The following CNTNAP2 variants were observed in gnomAD, a reference collection of about 807,000 sequenced individuals.
CNTNAP2 encodes the protein contactin associated protein 2.
Under a neutral mutation model 155.2 loss-of-function variants are expected in CNTNAP2, and 98 were observed. That is an observed-to-expected ratio of 0.63 (90% CI 0.54 to 0.75). CNTNAP2 has a LOEUF of 0.75. Ranked by LOEUF, CNTNAP2 falls within the 30% of genes least tolerant of loss-of-function variation. The pLI is 0.00. For synonymous variants in CNTNAP2, 651 were observed against 631.2 expected, an observed-to-expected ratio of 1.03 and a Z score of -0.47; for missense variants, 1,727 against 1,688.1, an observed-to-expected ratio of 1.02 and a Z score of -0.40.
intron 11 of CNTNAP2, among the ~76,000 whole-genome samples, chr7:147,538,790 G>C (rs1799592179): frequency 6.6e-6 from 1 of 151,948 alleles, no homozygotes; most frequent in Admixed American, 6.6e-5. Flanking sequence ...TTTTTTTCCT[G>C]AGTATTTTAA....
chr7:147,336,917 G>T (rs1289864610), intron 9 of CNTNAP2, among the ~76,000 whole-genome samples: 1 of 152,048 alleles, frequency 6.6e-6, no homozygotes, highest in African/African-American at 2.4e-5. Flanking sequence ...GACATTGGCA[G>T]AATTTTATAA....
In CNTNAP2 at chr7:146,727,778, C is replaced by T. The variant is rs995604932; in HGVS notation, c.98-46493C>T. The stretch of plus-strand genomic sequence containing the variant: ...TGTTAGTAGGAGAAATATCTGAAGA[C>T]GATTTTATTCGCTCTGTAAATATGT... On this transcript the variant is annotated intron_variant, in intron 1 of 23. Coordinates refer to ENST00000361727, the MANE Select transcript of CNTNAP2 (RefSeq NM_014141.6). Among the ~76,000 whole-genome samples the T allele has an allele frequency of 3.9e-5, 6 of 152,014 alleles. 1 individual carries two copies. Among genetic ancestry groups the T allele is most frequent in the East Asian group, 3.9e-4 (2 of 5,184 alleles).
At chr7:146,592,507 A>G (rs111978873) in intron 1 of CNTNAP2, among the ~76,000 whole-genome samples, 8 of 152,332 alleles carry the variant, frequency 5.3e-5, no homozygotes, top group African/African-American at 1.9e-4. Flanking sequence ...CACTGTAGTT[A>G]TAAGCCATGT....
intron 8 of CNTNAP2, among the ~76,000 whole-genome samples, chr7:147,192,426 T>A (rs1445233716): frequency 6.6e-6 from 1 of 152,212 alleles, no homozygotes; most frequent in Non-Finnish European, 1.5e-5. Context: ...CCTACTTCTA[T>A]ATTCTGATCC....
At position 148,025,902 on chromosome 7, in the gene CNTNAP2, A is replaced by T. The variant is rs993715; in HGVS notation, c.2383+47913A>T. On this transcript the variant is annotated intron_variant, in intron 15 of 23. Transcript: ENST00000361727. ...TTTTGGAAATAATATATTAAGATGC[A>T]TATGTGGCTATATGACCGATTCTAA... Among the ~76,000 whole-genome samples, 4 of 152,094 alleles carry T rather than the reference A, an allele frequency of 2.6e-5. No homozygotes were observed. In the South Asian group the frequency reaches 6.2e-4, roughly 24 times the overall value.
At chr7:146,940,022 C>T (rs1797017085) in intron 3 of CNTNAP2, among the ~76,000 whole-genome samples, 2 of 152,048 alleles carry the variant, frequency 1.3e-5, no homozygotes, top group South Asian at 2.1e-4. Flanking sequence ...GTTTACACTA[C>T]AGAAAAGAGT....
At chr7:146,972,104 A>T (rs1025519739) in intron 3 of CNTNAP2, among the ~76,000 whole-genome samples, 2 of 152,126 alleles carry the variant, frequency 1.3e-5, no homozygotes, top group Non-Finnish European at 2.9e-5. Flanking sequence ...AGCTACAATT[A>T]ATGGTCATTG....
At chr7:146,414,867 G>A (rs1038797152) in intron 1 of CNTNAP2, among the ~76,000 whole-genome samples, 1 of 152,062 alleles carries the variant, frequency 6.6e-6, no homozygotes, top group African/African-American at 2.4e-5. Context: ...GCATTTAAAA[G>A]CCTTTATTCT....
chr7:147,909,548 G>A lies in CNTNAP2; in HGVS notation c.2255+5827G>A, dbSNP rs193019457. Among the ~76,000 whole-genome samples the A allele has an allele frequency of 1.6e-3, 240 of 152,204 alleles. 4 individuals are homozygous for A. The highest frequency in any genetic ancestry group is 7.2e-4 in the Admixed American group (11 of 15,278). On this transcript the variant is annotated intron_variant, in intron 14 of 23. Coordinates refer to ENST00000361727, the MANE Select transcript of CNTNAP2 (RefSeq NM_014141.6). ...TTATCTATGCTGGGAGAAGTTTTGC[G>A]CAGTTATTTCTGAGATTGAATGTAA...
At chr7:146,939,970 A>G (rs1015615283) in intron 3 of CNTNAP2, among the ~76,000 whole-genome samples, 1 of 152,144 alleles carries the variant, frequency 6.6e-6, no homozygotes, top group Non-Finnish European at 1.5e-5. Context: ...ACTAATGCTT[A>G]CAGCAGAATT....
intron 1 of CNTNAP2, among the ~76,000 whole-genome samples, chr7:146,511,299 C>T (rs1160490470): frequency 2.6e-5 from 4 of 152,158 alleles, no homozygotes; most frequent in African/African-American, 4.8e-5. Context: ...AACCTAATTG[C>T]TCTGGCTAGT....
intron 1 of CNTNAP2, among the ~76,000 whole-genome samples, chr7:146,258,357 T>C (rs1335437553): frequency 6.6e-6 from 1 of 152,208 alleles, no homozygotes; most frequent in Non-Finnish European, 1.5e-5. Context: ...ATTATACATT[T>C]TTTAATATGT....
intron 11 of CNTNAP2, among the ~76,000 whole-genome samples, chr7:147,558,097 AT>A (rs1363457171): frequency 6.6e-6 from 1 of 152,222 alleles, no homozygotes; most frequent in Non-Finnish European, 1.5e-5. Flanking sequence ...ACATATGCAC[AT>A]TATAAAGTGA....
intron 13 of CNTNAP2, among the ~76,000 whole-genome samples, chr7:147,746,208 G>A (rs932480442): frequency 6.6e-6 from 1 of 152,162 alleles, no homozygotes; most frequent in Non-Finnish European, 1.5e-5. Context: ...AAGCAGAAGA[G>A]GATCTGAAAT....
chr7:147,201,186 T>C (rs1379730075), intron 8 of CNTNAP2, among the ~76,000 whole-genome samples: 1 of 152,242 alleles, frequency 6.6e-6, no homozygotes. Context: ...GGAGGCCTAC[T>C]CTATATCTAA....
Position 148,390,513 on chromosome 7 carries a change from T to G in CNTNAP2, c.3715+6625T>G, listed in dbSNP as rs35029229. Among the ~76,000 whole-genome samples the G allele has an allele frequency of 1.7e-3, 256 of 152,300 alleles. 1 individual carries two copies. The highest frequency in any genetic ancestry group is 2.5e-3 in the Non-Finnish European group (167 of 68,024). The stretch of plus-strand genomic sequence containing the variant: ...AAGAGTAAGGAATCATATGGCCTTA[T>G]GGTTAAAGGGATCTTGGCAAACCAG... On this transcript the variant is annotated intron_variant, in intron 22 of 23. Coordinates refer to ENST00000361727, the MANE Select transcript of CNTNAP2 (RefSeq NM_014141.6).
intron 14 of CNTNAP2, among the ~76,000 whole-genome samples, chr7:147,907,093 G>T (rs958412344): frequency 6.6e-6 from 1 of 151,964 alleles, no homozygotes; most frequent in African/African-American, 2.4e-5. Flanking sequence ...GTCTTGCTCT[G>T]TCACCCAGGC....
intron 8 of CNTNAP2, among the ~76,000 whole-genome samples, chr7:147,183,069 A>G (rs1485973089): frequency 6.6e-6 from 1 of 152,134 alleles, no homozygotes; most frequent in African/African-American, 2.4e-5. Flanking sequence ...TGTGTCATCT[A>G]ATCATAGTTA....
chr7:146,416,854 C>T (rs929703021), intron 1 of CNTNAP2, among the ~76,000 whole-genome samples: 5 of 152,194 alleles, frequency 3.3e-5, no homozygotes, highest in South Asian at 2.1e-4. Context: ...TACCCAATTT[C>T]GCCATCTTTT....
Sources: gnomAD v4.1 joint callset for allele counts (sites outside exome capture counted in the v4.1 genomes callset) on GRCh38, gnomAD v4.1.1 for gene constraint, MANE v1.5 for transcripts, NCBI Gene and HGNC (gene_info 2026-07-23, HGNC 2026-07-21) for gene names.